The following B4GALT6 variants were observed in gnomAD, a reference collection of about 807,000 sequenced individuals.
The protein encoded by B4GALT6 is UDP-Gal:beta-GlcNAc beta-1,4-galactosyltransferase 6.
A neutral mutation model predicts 46.3 loss-of-function variants in B4GALT6; 14 were observed. The observed-to-expected ratio is 0.30, with a 90% CI of 0.20 to 0.47. The LOEUF is 0.47. Ranked by LOEUF, B4GALT6 falls within the 20% of genes least tolerant of loss-of-function variation. B4GALT6 has a pLI of 0.99. For missense variants in B4GALT6, 386 were observed against 480.1 expected, an observed-to-expected ratio of 0.80 and a Z score of 1.83; for synonymous variants, 168 against 162.0, an observed-to-expected ratio of 1.04 and a Z score of -0.28.
chr18:31,628,202 T>C (rs191914141), intron 6 of B4GALT6, among the ~76,000 whole-genome samples: 8 of 152,306 alleles, frequency 5.3e-5, no homozygotes, highest in African/African-American at 1.9e-4. Flanking sequence ...ACACTGATCC[T>C]AAAGACAACC....
intron 1 of B4GALT6, among the ~76,000 whole-genome samples, chr18:31,678,745 G>A (rs2074445560): frequency 6.6e-6 from 1 of 152,170 alleles, no homozygotes; most frequent in Non-Finnish European, 1.5e-5. Context: ...TTGCTCTTGG[G>A]GCTGCTCTGC....
At chr18:31,665,217 A>C (rs750150600) in intron 2 of B4GALT6, among the ~76,000 whole-genome samples, 8 of 152,226 alleles carry the variant, frequency 5.3e-5, no homozygotes, top group Non-Finnish European at 1.0e-4. Flanking sequence ...TCAAAATGAG[A>C]CCATAAAGGG....
At chr18:31,680,780 C>A (rs868856396) in intron 1 of B4GALT6, among the ~76,000 whole-genome samples, 1 of 152,176 alleles carries the variant, frequency 6.6e-6, no homozygotes, top group Non-Finnish European at 1.5e-5. Context: ...ATTTTAGAGA[C>A]CTCAAGCATC....
intron 4 of B4GALT6, among the ~76,000 whole-genome samples, chr18:31,644,738 CAAACA>C (rs2073971374): frequency 6.6e-6 from 1 of 152,086 alleles, no homozygotes; most frequent in Admixed American, 6.5e-5. Context: ...TACAGTTTTT[CAAACA>C]AAACACTGAA....
At chr18:31,716,972 G>A in the B4GALT6 span, among the ~76,000 whole-genome samples, 5 of 152,104 alleles carry the variant, frequency 3.3e-5, no homozygotes, top group East Asian at 1.9e-4. Flanking sequence ...TGTGGTGGGC[G>A]CCTGTAATCC....
At chr18:31,699,342 C>T in the B4GALT6 span, among the ~76,000 whole-genome samples, 54 of 145,178 alleles carry the variant, frequency 3.7e-4, no homozygotes, top group Non-Finnish European at 6.8e-4. Flanking sequence ...GTATGATCTT[C>T]GTTCACTGCA....
intron 3 of B4GALT6, among the ~76,000 whole-genome samples, chr18:31,655,263 T>C (rs994026421): frequency 6.6e-6 from 1 of 152,240 alleles, no homozygotes; most frequent in South Asian, 2.1e-4. Context: ...TATGTGGCTG[T>C]ATTTTCTACC....
intron 1 of B4GALT6, among the ~76,000 whole-genome samples, chr18:31,676,612 C>A (rs573770262): frequency 2.0e-5 from 3 of 152,266 alleles, no homozygotes; most frequent in Admixed American, 6.5e-5. Context: ...ACCATGACAG[C>A]CATCTCTATT....
At chr18:31,649,326 G>GTCT (rs2074030589) in intron 3 of B4GALT6, among the ~76,000 whole-genome samples, 2 of 152,106 alleles carry the variant, frequency 1.3e-5, no homozygotes, top group Non-Finnish European at 2.9e-5. Context: ...CAGAGCATTA[G>GTCT]TCACACATCC....
In B4GALT6 at chr18:31,638,729, T is replaced by C; in HGVS notation, c.503A>G (p.His168Arg). The part of the protein sequence containing the change: ...VAVLIPFRNR[H>R]EHLPIFFLHL... ...TAAGAAAAAAATTGGAAGATGTTCATGGCGATTACGGAAAGGAATGAGAAC... is the reference window on the plus strand; with the variant it reads ...TAAGAAAAAAATTGGAAGATGTTCACGGCGATTACGGAAAGGAATGAGAAC... The change falls in exon 5 of 9, where the codon CAT becomes CGT. Residue 168 changes from histidine to arginine, a missense_variant. Coordinates refer to ENST00000306851, the MANE Select transcript of B4GALT6 (RefSeq NM_004775.5). 2 of 1,614,088 alleles carry C rather than the reference T, an allele frequency of 1.2e-6. No individual in the cohort carries two copies. Among genetic ancestry groups the C allele is most frequent in the Non-Finnish European group, 8.5e-7 (1 of 1,179,970 alleles).
rs550210786 is a variant in B4GALT6 at position 31,665,499 on chromosome 18, G to A, written c.232+757C>T. On this transcript the variant is annotated intron_variant, in intron 2 of 8. Transcript: ENST00000306851. The stretch of plus-strand genomic sequence containing the variant: ...TCATGCCTGTAATCCCAGCACTTTC[G>A]GAGGCTGAAGCGGGCGTATCACGAG... 3.9e-5 allele frequency among the ~76,000 whole-genome samples: 6 copies of A among 152,224 alleles called. No individual in the cohort carries two copies. In the South Asian group the frequency reaches 6.2e-4, roughly 16 times the overall value.
Position 31,684,544 on chromosome 18 carries a change from C to A in B4GALT6, c.-118G>T. ...CCCCGAGACTGCAGCGGGGTCCGCG[C>A]GGGGAGGCTCTGGGGAGAGGGCCCG... On this transcript the variant is annotated 5_prime_UTR_variant, in exon 1 of 9. Coordinates refer to ENST00000306851, the MANE Select transcript of B4GALT6 (RefSeq NM_004775.5). 1 of 1,463,716 alleles carries A rather than the reference C, an allele frequency of 6.8e-7. No homozygotes were observed. Among genetic ancestry groups the A allele is most frequent in the South Asian group, 1.3e-5 (1 of 77,986 alleles). 90.7% of individuals were successfully genotyped at this position (1,463,716 alleles called of 1,614,324 possible).
chr18:31,695,750 C>T, the B4GALT6 span, among the ~76,000 whole-genome samples: 26 of 152,306 alleles, frequency 1.7e-4, no homozygotes, highest in African/African-American at 5.8e-4. Context: ...AATAGTGCAA[C>T]TTCTTCCAAC....
In B4GALT6 at chr18:31,666,330, A is replaced by G; in HGVS notation, c.158T>C (p.Leu53Ser). ...LFMVQARGIM[L>S]RENVKTIGHM... The stretch of plus-strand genomic sequence containing the variant: ...ACCTATTGTTTTCACATTTTCTCTC[A>G]ACATTATACCTCGAGCTTGTACCAT... Residue 53 changes from leucine to serine, a missense_variant, in exon 2 of 9, where the codon TTG (leucine) becomes TCG (serine). Transcript: ENST00000306851. The G allele has an allele frequency of 6.2e-7, 1 of 1,610,456 alleles. No homozygotes were observed. Among genetic ancestry groups the G allele is most frequent in the East Asian group, 2.2e-5 (1 of 44,744 alleles).
chr18:31,706,980 CT>C, the B4GALT6 span, among the ~76,000 whole-genome samples: 2 of 152,136 alleles, frequency 1.3e-5, no homozygotes, highest in Non-Finnish European at 2.9e-5. Flanking sequence ...TTGTCTGCCC[CT>C]GATATGTATG....
the B4GALT6 span, among the ~76,000 whole-genome samples, chr18:31,704,648 A>T: frequency 1.3e-5 from 2 of 152,204 alleles, no homozygotes; most frequent in Non-Finnish European, 2.9e-5. Context: ...TTTTTAGAAG[A>T]TACAATATGT....
Position 31,684,393 on chromosome 18 carries a change from T to A in B4GALT6, c.34A>T (p.Asn12Tyr). 6.2e-7 allele frequency: 1 copy of A among 1,613,646 alleles called. No individual in the cohort carries two copies. The highest frequency in any genetic ancestry group is 8.5e-7 in the Non-Finnish European group (1 of 1,179,880). ...AAGATGAAGGCGAGGAGAGAGCGATTGGAAACCCGCATCATCCGCCTGAGC... is the reference window on the plus strand; with the variant it reads ...AAGATGAAGGCGAGGAGAGAGCGATAGGAAACCCGCATCATCCGCCTGAGC... ...SVLRRMMRVS[N>Y]RSLLAFIFFF... Residue 12 changes from asparagine (N) to tyrosine (Y), a missense_variant, in exon 1 of 9, where the codon AAT (asparagine) becomes TAT (tyrosine). Around this residue, in one of 2 missense-constraint regions of B4GALT6, gnomAD observed 63 missense variants for 41.3 expected, o/e 1.53. Coordinates refer to ENST00000306851, the MANE Select transcript of B4GALT6 (RefSeq NM_004775.5).
At chr18:31,706,895 C>T in the B4GALT6 span, among the ~76,000 whole-genome samples, 1 of 152,184 alleles carries the variant, frequency 6.6e-6, no homozygotes, top group South Asian at 2.1e-4. Flanking sequence ...TGCAAGAATT[C>T]TAAGACATTA....
At chr18:31,629,466 T>TA (rs2073749169) in intron 6 of B4GALT6, among the ~76,000 whole-genome samples, 1 of 136,146 alleles carries the variant, frequency 7.3e-6, no homozygotes, top group African/African-American at 2.8e-5. Context: ...TTTTTTTTTT[T>TA]TTTTTTTTTT....
Sources: allele counts gnomAD v4.1 joint callset (sites outside exome capture counted in the v4.1 genomes callset), GRCh38; gene constraint gnomAD v4.1.1; regional missense constraint gnomAD v4.1.1; transcripts MANE v1.5; gene names NCBI Gene and HGNC (gene_info 2026-07-23, HGNC 2026-07-21).